The following CLN5 variants were observed in gnomAD, a reference collection of about 807,000 sequenced individuals.
The protein encoded by CLN5 is CLN5 lysosomal BMP synthase, also known as bis(monoacylglycero)phosphate synthase CLN5.
Under a neutral mutation model 36.7 loss-of-function variants are expected in CLN5, and 34 were observed. The ratio of observed to expected loss-of-function variants is 0.93; its 90% confidence interval spans 0.71 to 1.23. CLN5 has a LOEUF of 1.23. CLN5 is among the 50% of genes most tolerant of loss of function. The pLI, the probability that CLN5 is intolerant of heterozygous loss-of-function variation, is 0.00. For synonymous variants in CLN5, 151 were observed against 155.1 expected (o/e 0.97, Z 0.20); for missense variants, 427 against 439.4 (o/e 0.97, Z 0.25).
In CLN5 at chr13:77,001,803, G is replaced by A. The variant is rs778613917; in HGVS notation, c.*834G>A. On this transcript the variant is annotated 3_prime_UTR_variant, in exon 4 of 4. Transcript: ENST00000377453. ...TAAGCTGATAGCATAGTGCTTCAGCGGTTCTTCTAACCGGGGTATGCAGGA... is the reference window on the plus strand; with the variant it reads ...TAAGCTGATAGCATAGTGCTTCAGCAGTTCTTCTAACCGGGGTATGCAGGA... 9.2e-5 allele frequency: 14 copies of A among 152,162 alleles called. No individual in the cohort carries two copies. The highest frequency in any genetic ancestry group is 2.7e-4 in the African/African-American group (11 of 41,420). The allele number at this position is 152,162 out of a possible 1,614,324, so 9.4% of individuals were successfully genotyped here. A position where few individuals can be genotyped will look rare whatever the true frequency, so the allele number is the denominator to read the frequency against.
chr13:76,995,054 CTTT>C lies in CLN5; in HGVS notation c.174-8_174-6del. 3.1e-6 allele frequency: 5 copies of C among 1,611,832 alleles called. No homozygotes were observed. Among genetic ancestry groups the C allele is most frequent in the Non-Finnish European group, 4.2e-6 (5 of 1,179,318 alleles). ...GAATCTAAGTAGATGGTTTCTTTTT[CTTT>C]ATTAGGCGCTTTGACTTCCGTCCAA... is the stretch of plus-strand genomic sequence containing the variant. On this transcript the variant is annotated splice_region_variant and splice_polypyrimidine_tract_variant and intron_variant, in intron 1 of 3. Transcript: ENST00000377453.
rs11842935 is a variant in CLN5, at chr13:77,000,548, A to C, written c.656A>C (p.Glu219Ala). 3.4e-5 allele frequency: 55 copies of C among 1,614,000 alleles called. No individual in the cohort carries two copies. The African/African-American group carries it at 6.0e-4, about 18-fold the overall frequency. Residue 219 changes from glutamate (E) to alanine (A), a missense_variant, in exon 4 of 4, where the codon GAA becomes GCA. Physicochemically the swap from Glu to Ala is moderately radical, Grantham distance 107. Transcript: ENST00000377453. ...ACATGGAATGTAAAAGCCAGCCCAG[A>C]AAAGGGGGCAGAGACATGGTTTGAT... ...YETWNVKASP[E>A]KGAETWFDSY...
rs755041684 is a variant in CLN5, at chr13:77,001,001, A to C, written c.*32A>C. 5 of 1,583,806 alleles carry C rather than the reference A, an allele frequency of 3.2e-6. No homozygotes were observed. In the Admixed American group the frequency reaches 5.0e-5, roughly 16 times the overall value. ...TTAATTCTACTGCTCTTTTTTCTCC[A>C]ATCACCAGCATCTGTTTTTCAGGGG... On this transcript the variant is annotated 3_prime_UTR_variant, in exon 4 of 4. Transcript: ENST00000377453.
At chr13:76,999,157 C>T (rs754402316) in intron 3 of CLN5, 2 of 152,164 alleles carry the variant, frequency 1.3e-5, no homozygotes, top group African/African-American at 2.4e-5. Flanking sequence ...ATACAACAGG[C>T]TTTATTCTGT....
At position 77,004,220 on chromosome 13, in the gene CLN5, TAATG is replaced by T. The variant is rs1414359837; in HGVS notation, c.*3255_*3258del. ...TTTTATGGTCTGCTGTGGTGGCACT[TAATG>T]AATTACCTGGAATTATAGTTCCTGT... is the stretch of plus-strand genomic sequence containing the variant. On this transcript the variant is annotated 3_prime_UTR_variant, in exon 4 of 4. Coordinates refer to ENST00000377453, the MANE Select transcript of CLN5 (RefSeq NM_006493.4). The T allele has an allele frequency of 6.6e-6, 1 of 152,198 alleles. No individual in the cohort carries two copies. Among genetic ancestry groups the T allele is most frequent in the Admixed American group, 6.5e-5 (1 of 15,278 alleles). 9.4% of individuals were successfully genotyped at this position (152,198 alleles called of 1,614,324 possible).
At chr13:76,992,410 C>T (rs1207911604) in intron 1 of CLN5, 139 bp downstream of exon 1, 1 of 1,038,148 alleles carries the variant, frequency 9.6e-7, no homozygotes, top group Non-Finnish European at 1.4e-6. Flanking sequence ...GGGTGACGCT[C>T]GGAGCGCACT....
rs1064795474 is a variant in CLN5 at position 76,996,106 on chromosome 13, G to A, written c.544G>A (p.Val182Ile). The change falls in exon 3 of 4, where the codon GTT becomes ATT. Residue 182 changes from valine (V) to isoleucine (I), a missense_variant. Transcript: ENST00000377453. ...DVHWKENGTL[V>I]QVATISGNMF... The stretch of plus-strand genomic sequence containing the variant: ...TCACTGGAAGGAAAATGGGACATTA[G>A]TTCAAGTAGCAACTATATCAGGTAA... 1 of 1,613,912 alleles carries A rather than the reference G, an allele frequency of 6.2e-7. No homozygotes were observed. The highest frequency in any genetic ancestry group is 8.5e-7 in the Non-Finnish European group (1 of 1,179,810).
Position 77,004,651 on chromosome 13 carries a change from G to A in CLN5, c.*3682G>A, listed in dbSNP as rs970848643. The A allele has an allele frequency of 2.0e-5, 3 of 151,888 alleles. No individual in the cohort carries two copies. Among genetic ancestry groups the A allele is most frequent in the African/African-American group, 7.3e-5 (3 of 41,326 alleles). 9.4% of individuals were successfully genotyped at this position (151,888 alleles called of 1,614,324 possible). Reference sequence around the variant, plus strand: ...AAAGCTCATTACTATCTATGTGTGGGGTAGAAATTATAGTGTGTTAAAGGA... The same window carrying A: ...AAAGCTCATTACTATCTATGTGTGGAGTAGAAATTATAGTGTGTTAAAGGA... On this transcript the variant is annotated 3_prime_UTR_variant, in exon 4 of 4. Coordinates refer to ENST00000377453, the MANE Select transcript of CLN5 (RefSeq NM_006493.4).
In CLN5 at chr13:77,004,287, A is replaced by G. The variant is rs1447754968; in HGVS notation, c.*3318A>G. 2 of 152,220 alleles carry G rather than the reference A, an allele frequency of 1.3e-5. No individual in the cohort carries two copies. The highest frequency in any genetic ancestry group is 3.8e-4 in the East Asian group (2 of 5,204). The allele number at this position is 152,220 out of a possible 1,614,324, so 9.4% of individuals were successfully genotyped here. A position where few individuals can be genotyped will look rare whatever the true frequency, so the allele number is the denominator to read the frequency against. On this transcript the variant is annotated 3_prime_UTR_variant, in exon 4 of 4. Transcript: ENST00000377453. ...TTTTTAAATAGTTGGCAGGCTATAC[A>G]AAGAGTGATGTTCCAAAACTACACA...
Position 77,003,292 on chromosome 13 carries a change from A to T in CLN5, c.*2323A>T, listed in dbSNP as rs1566223385. On this transcript the variant is annotated 3_prime_UTR_variant, in exon 4 of 4. Transcript: ENST00000377453. ...GCGCCACTGCACTCCAGCCTGGGCG[A>T]CAGAGCGAGACTCCGTCTCAAAAAA... is the stretch of plus-strand genomic sequence containing the variant. The T allele has an allele frequency of 6.6e-6, 1 of 152,200 alleles. No individual in the cohort carries two copies. The allele number at this position is 152,200 out of a possible 1,614,324, so 9.4% of individuals were successfully genotyped here. A position where few individuals can be genotyped will look rare whatever the true frequency, so the allele number is the denominator to read the frequency against.
chr13:76,995,108 G>C lies in CLN5; in HGVS notation c.219G>C (p.Lys73Asn). 6.2e-7 allele frequency: 1 copy of C among 1,614,106 alleles called. No individual in the cohort carries two copies. Among genetic ancestry groups the C allele is most frequent in the Non-Finnish European group, 8.5e-7 (1 of 1,179,996 alleles). The change falls in exon 2 of 4, where the codon AAG becomes AAC. Residue 73 changes from lysine to asparagine, a missense_variant. By Grantham distance (94) the Lys-to-Asn change is moderately conservative. Coordinates refer to ENST00000377453, the MANE Select transcript of CLN5 (RefSeq NM_006493.4). ...RPKPDPYCQAKYTFCPTGSPI... is the reference protein window; with the variant it reads ...RPKPDPYCQANYTFCPTGSPI... The stretch of plus-strand genomic sequence containing the variant: ...AACCTGATCCTTATTGTCAAGCTAA[G>C]TATACTTTCTGTCCAACTGGCTCAC...
Position 76,996,027 on chromosome 13 carries a change from C to A in CLN5, c.465C>A (p.Ala155=). ...CCCATCTCCGACCTGAAATGGATGC[C>A]CCTTTCTGGTGTAATCAAGGCGCTG... is the stretch of plus-strand genomic sequence containing the variant. ...TFPHLRPEMD[A]PFWCNQGAAC... Residue 155 remains alanine, a synonymous_variant, in exon 3 of 4, where the codon GCC becomes GCA. Transcript: ENST00000377453. The A allele has an allele frequency of 3.1e-6, 5 of 1,614,100 alleles. No individual in the cohort carries two copies. The highest frequency in any genetic ancestry group is 4.2e-6 in the Non-Finnish European group (5 of 1,180,026).
chr13:76,992,264 C>T lies in CLN5; in HGVS notation c.166C>T (p.Pro56Ser). 6.4e-7 allele frequency: 1 copy of T among 1,573,632 alleles called. No homozygotes were observed. The highest frequency in any genetic ancestry group is 8.6e-7 in the Non-Finnish European group (1 of 1,166,628). The change falls in exon 1 of 4, where the codon CCC (proline) becomes TCC (serine). Residue 56 changes from proline to serine, a missense_variant. By Grantham distance (74) the Pro-to-Ser change is moderately conservative (BLOSUM62 -1). Transcript: ENST00000377453. ...GIPSRRHWPV[P>S]YKRFDFRPKP... Reference sequence around the variant, plus strand: ...CCCCTCCCGGCGCCACTGGCCGGTGCCCTACAAGTGAGTGCGGCGGCGCGC... The same window carrying T: ...CCCCTCCCGGCGCCACTGGCCGGTGTCCTACAAGTGAGTGCGGCGGCGCGC...
chr13:76,993,272 C>T (rs1286015976), intron 1 of CLN5: 1 of 152,118 alleles, frequency 6.6e-6, no homozygotes, highest in Non-Finnish European at 1.5e-5. Context: ...TAGCACGTAC[C>T]TCATAGGTTT....
Position 76,995,166 on chromosome 13 carries a change from GA to G in CLN5, c.279del (p.Val94PhefsTer20), listed in dbSNP as rs1566218666. On this transcript the variant is annotated frameshift_variant, in exon 2 of 4. Coordinates refer to ENST00000377453, the MANE Select transcript of CLN5 (RefSeq NM_006493.4). LOFTEE classifies it high-confidence loss of function. ...AGTTATGGAGGGTGATGATGACATT[GA>G]AGTTTTTCGATTACAAGCCCCAGTA... ...IPVMEGDDDI[E>X]VFRLQAPVWE... 1.2e-6 allele frequency: 2 copies of G among 1,614,134 alleles called. No homozygotes were observed. Among genetic ancestry groups the G allele is most frequent in the Non-Finnish European group, 8.5e-7 (1 of 1,180,004 alleles).
At chr13:76,995,430 A>G (rs948191085) in intron 2 of CLN5, 2 of 598,676 alleles carry the variant, frequency 3.3e-6, no homozygotes. Flanking sequence ...ACCATTATCC[A>G]TTGTAATATT....
At position 76,995,234 on chromosome 13, in the gene CLN5, G is replaced by T; in HGVS notation, c.339+6G>T. 2 of 1,613,562 alleles carry T rather than the reference G, an allele frequency of 1.2e-6. No homozygotes were observed. The highest frequency in any genetic ancestry group is 1.7e-6 in the Non-Finnish European group (2 of 1,179,546). The stretch of plus-strand genomic sequence containing the variant: ...GAGACCTCCTGGGACACTTGGTAAG[G>T]ATGCATCTTGGTCTTATAACTTTGG... On this transcript the variant is annotated splice_donor_region_variant and intron_variant, in intron 2 of 3. Coordinates refer to ENST00000377453, the MANE Select transcript of CLN5 (RefSeq NM_006493.4).
chr13:76,998,075 T>TA (rs1008933487), intron 3 of CLN5: 1 of 152,298 alleles, frequency 6.6e-6, no homozygotes, highest in African/African-American at 2.4e-5. Flanking sequence ...AGGTTAAAGT[T>TA]ACACAGCTTA....
intron 1 of CLN5, 70 bp downstream of exon 1, chr13:76,992,341 C>T (rs2034194919): frequency 1.1e-6 from 1 of 900,002 alleles, no homozygotes; most frequent in East Asian, 3.6e-5. Context: ...GGTGCTGGGG[C>T]GGGGACCCCT....
Sources: allele counts gnomAD v4.1 joint callset, GRCh38; gene constraint gnomAD v4.1.1; transcripts MANE v1.5; gene names NCBI Gene and HGNC (gene_info 2026-07-23, HGNC 2026-07-21).